Variants in GATAD2A observed in about 807,000 individuals in gnomAD.
The protein encoded by GATAD2A is transcriptional repressor p66-alpha.
A neutral mutation model predicts 68.5 loss-of-function variants in GATAD2A; 12 were observed. That is an observed-to-expected ratio of 0.18 (90% CI 0.11 to 0.28). The LOEUF (loss-of-function observed/expected upper bound fraction) is 0.28. GATAD2A is among the 10% of genes least tolerant of loss of function. GATAD2A has a pLI of 1.00. For synonymous variants in GATAD2A, 410 were observed against 375.3 expected (o/e 1.09, Z -1.07); for missense variants, 755 against 868.5 (o/e 0.87, Z 1.64).
chr19:19,500,284 C>G (rs2060440694), intron 8 of GATAD2A, among the ~76,000 whole-genome samples: 2 of 152,218 alleles, frequency 1.3e-5, no homozygotes, highest in Non-Finnish European at 2.9e-5. Flanking sequence ...AGCATGTAAG[C>G]TGCAGGTGGC....
intron 1 of GATAD2A, among the ~76,000 whole-genome samples, chr19:19,398,283 A>C (rs1387385803): frequency 3.4e-5 from 5 of 149,074 alleles, no homozygotes; most frequent in Non-Finnish European, 7.4e-5. Flanking sequence ...GGGTCACCGC[A>C]ACCTCCGCCT....
rs375502987 is a variant in GATAD2A, at chr19:19,465,582, C to T, written c.237C>T (p.Gly79=). The T allele has an allele frequency of 9.1e-5, 146 of 1,612,792 alleles. No homozygotes were observed. Among genetic ancestry groups the T allele is most frequent in the Non-Finnish European group, 1.2e-4 (137 of 1,179,436 alleles). The part of the protein sequence containing the change: ...MAMGRGEGLV[G]DGPVDMRTSH... ...TGGGCAGAGGCGAAGGGCTGGTGGG[C>T]GATGGGCCCGTGGACATGCGCACCT... Residue 79 remains glycine (G), a synonymous_variant, in exon 2 of 12, where the codon GGC becomes GGT. Transcript: ENST00000683918.
In GATAD2A at chr19:19,414,479, T is replaced by C. The variant is rs572242000; in HGVS notation, c.-7+8460T>C. On this transcript the variant is annotated intron_variant, in intron 1 of 11. Coordinates refer to ENST00000683918, the MANE Select transcript of GATAD2A (RefSeq NM_001384528.1). The stretch of plus-strand genomic sequence containing the variant: ...GGTGAATTTTGTTTTAGCTTCCTTC[T>C]TACTTTATTTATGTAGGTCCATTGG... Among the ~76,000 whole-genome samples, 45 of 152,134 alleles carry C rather than the reference T, an allele frequency of 3.0e-4. 1 individual carries two copies. Among genetic ancestry groups the C allele is most frequent in the Admixed American group, 2.0e-4 (3 of 15,262 alleles).
chr19:19,457,348 A>T (rs1275878560), intron 1 of GATAD2A: 5 of 463,256 alleles, frequency 1.1e-5, no homozygotes, highest in African/African-American at 1.1e-4. Context: ...TCTTGCCTGG[A>T]GACATCTGAG....
intron 1 of GATAD2A, among the ~76,000 whole-genome samples, chr19:19,411,529 G>C (rs2050920706): frequency 6.6e-6 from 1 of 152,202 alleles, no homozygotes; most frequent in East Asian, 1.9e-4. Flanking sequence ...GGGAGCGCCA[G>C]GGTGAATCTC....
Position 19,505,489 on chromosome 19 carries a change from C to G in GATAD2A, c.*15C>G, listed in dbSNP as rs777659955. On this transcript the variant is annotated 3_prime_UTR_variant, in exon 12 of 12. Coordinates refer to ENST00000683918, the MANE Select transcript of GATAD2A (RefSeq NM_001384528.1). ...CGTGGAAATAGTGCGAGCCAGGCCC[C>G]GTGGAAGACGGGCTCCCTCCTCCCC... 2.6e-6 allele frequency: 4 copies of G among 1,560,064 alleles called. No homozygotes were observed. In the South Asian group the frequency reaches 4.7e-5, roughly 18 times the overall value.
chr19:19,411,836 C>G (rs2050964500), intron 1 of GATAD2A, among the ~76,000 whole-genome samples: 1 of 152,222 alleles, frequency 6.6e-6, no homozygotes, highest in Non-Finnish European at 1.5e-5. Context: ...CACAGTGATT[C>G]TTGAACACCT....
chr19:19,485,195 G>C (rs2059353218), intron 2 of GATAD2A, among the ~76,000 whole-genome samples: 1 of 152,238 alleles, frequency 6.6e-6, no homozygotes, highest in Admixed American at 6.5e-5. Flanking sequence ...CTTTGTCCCA[G>C]GGTAGCATCT....
Position 19,506,854 on chromosome 19 carries a change from A to C in GATAD2A, c.*1380A>C, listed in dbSNP as rs541871730. The stretch of plus-strand genomic sequence containing the variant: ...TGAGTTCTGGGCTCCACTGGTTCCA[A>C]TTGAGCTCCAGCCCTGGTTTTCCTA... On this transcript the variant is annotated 3_prime_UTR_variant, in exon 12 of 12. Transcript: ENST00000683918. 7.9e-5 allele frequency: 12 copies of C among 152,284 alleles called. No individual in the cohort carries two copies. Among genetic ancestry groups the C allele is most frequent in the African/African-American group, 2.6e-4 (11 of 41,558 alleles). The allele number at this position is 152,284 out of a possible 1,614,324, so 9.4% of individuals were successfully genotyped here. A position where few individuals can be genotyped will look rare whatever the true frequency, so the allele number is the denominator to read the frequency against.
intron 1 of GATAD2A, among the ~76,000 whole-genome samples, chr19:19,446,764 G>A (rs900378881): frequency 6.6e-6 from 1 of 152,088 alleles, no homozygotes; most frequent in African/African-American, 2.4e-5. Context: ...TCACTATGTT[G>A]CCCAGGCCGA....
At chr19:19,491,965 T>A (rs920906488) in intron 2 of GATAD2A, among the ~76,000 whole-genome samples, 1 of 152,204 alleles carries the variant, frequency 6.6e-6, no homozygotes, top group African/African-American at 2.4e-5. Context: ...GCCGAGTGTT[T>A]ACCTGATCCG....
At chr19:19,503,389 C>T (rs763574378) in intron 11 of GATAD2A, among the ~76,000 whole-genome samples, 2 of 152,156 alleles carry the variant, frequency 1.3e-5, no homozygotes, top group Non-Finnish European at 2.9e-5. Flanking sequence ...GAGGGGCGTG[C>T]CCAGGTGCCA....
intron 2 of GATAD2A, among the ~76,000 whole-genome samples, chr19:19,475,280 A>G (rs1336213939): frequency 3.3e-5 from 5 of 152,192 alleles, no homozygotes; most frequent in Non-Finnish European, 2.9e-5. Context: ...GCCCAGGGAC[A>G]TGGTTTGTGG....
chr19:19,462,219 T>TG (rs1049888504), intron 1 of GATAD2A, among the ~76,000 whole-genome samples: 3 of 152,188 alleles, frequency 2.0e-5, no homozygotes, highest in African/African-American at 7.2e-5. Flanking sequence ...CCTGTTGTGC[T>TG]GGGGGCACTA....
At chr19:19,406,471 C>T (rs902627864) in intron 1 of GATAD2A, among the ~76,000 whole-genome samples, 2 of 145,890 alleles carry the variant, frequency 1.4e-5, no homozygotes, top group Non-Finnish European at 3.0e-5. Flanking sequence ...GCGGCGGCGG[C>T]GGCGGCGGAT....
At chr19:19,467,665 T>C (rs747565815) in intron 2 of GATAD2A, among the ~76,000 whole-genome samples, 34 of 152,354 alleles carry the variant, frequency 2.2e-4, no homozygotes, top group East Asian at 3.9e-4. Flanking sequence ...CCTTTTTTTC[T>C]TTCATGCTAA....
chr19:19,483,864 G>A (rs1441047454), intron 2 of GATAD2A, among the ~76,000 whole-genome samples: 2 of 148,744 alleles, frequency 1.3e-5, no homozygotes, highest in East Asian at 2.0e-4. Context: ...TCTTGACCTC[G>A]TGATCCGCCC....
intron 8 of GATAD2A, 55 bp from the exon 9 acceptor site, chr19:19,501,063 G>C: frequency 6.6e-7 from 1 of 1,517,570 alleles, no homozygotes; most frequent in Non-Finnish European, 9.0e-7. Flanking sequence ...GGGCGGCCAG[G>C]GCCCTGACTG....
intron 1 of GATAD2A, among the ~76,000 whole-genome samples, chr19:19,416,856 G>A (rs1237243943): frequency 1.3e-5 from 2 of 151,770 alleles, no homozygotes; most frequent in Non-Finnish European, 2.9e-5. Context: ...TTGTCTCCAG[G>A]GTCCAAGCGA....
Sources: allele counts gnomAD v4.1 joint callset (sites outside exome capture counted in the v4.1 genomes callset), GRCh38; gene constraint gnomAD v4.1.1; transcripts MANE v1.5; gene names NCBI Gene and HGNC (gene_info 2026-07-23, HGNC 2026-07-21).